The following MPV17 variants were observed in gnomAD, a reference collection of about 807,000 sequenced individuals.
MPV17 encodes MPV17, mitochondrial inner membrane protein.
A neutral mutation model predicts 28.6 loss-of-function variants in MPV17; 31 were observed. That is an observed-to-expected ratio of 1.08 (90% CI 0.81 to 1.46). The LOEUF (loss-of-function observed/expected upper bound fraction) is 1.46. MPV17 is among the 40% of genes most tolerant of loss of function. The probability of loss-of-function intolerance (pLI) is 0.00; values close to 1 mark genes in which losing one functional copy is unlikely to be tolerated. For synonymous variants in MPV17, 87 were observed against 85.3 expected, an observed-to-expected ratio of 1.02 and a Z score of -0.11; for missense variants, 198 against 216.2, an observed-to-expected ratio of 0.92 and a Z score of 0.53.
At chr2:27,322,038 C>T (rs181427806) in intron 2 of MPV17, 85 of 220,802 alleles carry the variant, frequency 3.8e-4, no homozygotes, top group South Asian at 5.5e-4. Context: ...CTTGATTCAG[C>T]ACTTATTAGG....
At chr2:27,316,334 G>T in intron 2 of MPV17, 2 of 956,208 alleles carry the variant, frequency 2.1e-6, no homozygotes, top group Non-Finnish European at 3.1e-6. Flanking sequence ...GGAGAAAGAT[G>T]GATTCAAGTC....
chr2:27,312,441 C>T (rs780507661), intron 5 of MPV17, 53 bp downstream of exon 5: 7 of 1,584,744 alleles, frequency 4.4e-6, no homozygotes, highest in Non-Finnish European at 6.1e-6. Flanking sequence ...GTCTTCTTCC[C>T]CTGGGCTGTC....
intron 2 of MPV17, chr2:27,315,728 A>T: frequency 4.6e-6 from 1 of 219,672 alleles, no homozygotes; most frequent in Non-Finnish European, 8.1e-6. Flanking sequence ...CACCTGGCTG[A>T]TTTTTGTATT....
At chr2:27,322,322 T>A in intron 2 of MPV17, 126 bp downstream of exon 2, 1 of 879,532 alleles carries the variant, frequency 1.1e-6, no homozygotes, top group Non-Finnish European at 1.9e-6. Flanking sequence ...CAGTGTAGGA[T>A]GAAAGACAGC....
In MPV17 at chr2:27,312,710, C is replaced by T. The variant is rs199952690; in HGVS notation, c.249G>A (p.Val83=). ...CCAACAACATCTTCTTCAGTGCATC[C>T]ACTTTGGTGGTGCCAGGGATGAACC... ...LDRFIPGTTK[V]DALKKMLLDQ... Residue 83 remains valine, a synonymous_variant, in exon 4 of 8, where the codon GTG becomes GTA. Transcript: ENST00000380044. The T allele has an allele frequency of 3.4e-5, 55 of 1,614,242 alleles. No individual in the cohort carries two copies. In the African/African-American group the frequency reaches 6.9e-4, roughly 20 times the overall value.
intron 1 of MPV17, 153 bp from the exon 2 acceptor site, chr2:27,322,675 C>T (rs2148225770): frequency 3.1e-6 from 2 of 654,446 alleles, no homozygotes; most frequent in African/African-American, 1.8e-5. Flanking sequence ...TCCCAGACAG[C>T]TTCCTGTCGC....
At chr2:27,313,782 G>T (rs1409174243) in intron 2 of MPV17, among the ~76,000 whole-genome samples, 4 of 152,064 alleles carry the variant, frequency 2.6e-5, no homozygotes, top group Non-Finnish European at 4.4e-5. Flanking sequence ...GCATGATCTT[G>T]GCTCACTGCA....
chr2:27,318,829 A>G (rs1201256966), intron 2 of MPV17, among the ~76,000 whole-genome samples: 2 of 151,668 alleles, frequency 1.3e-5, no homozygotes, highest in Non-Finnish European at 2.9e-5. Context: ...CTGTAGCGCA[A>G]TCTCAGCTCA....
chr2:27,318,733 TCC>T (rs1679749217), intron 2 of MPV17, among the ~76,000 whole-genome samples: 1 of 151,886 alleles, frequency 6.6e-6, no homozygotes, highest in South Asian at 2.1e-4. Context: ...TAGCTATTCA[TCC>T]AGACAGTCCT....
In MPV17 at chr2:27,313,073, T is replaced by G. The variant is rs762327729; in HGVS notation, c.107A>C (p.Gln36Pro). The G allele has an allele frequency of 1.2e-6, 2 of 1,614,180 alleles. No individual in the cohort carries two copies. Among genetic ancestry groups the G allele is most frequent in the South Asian group, 2.2e-5 (2 of 91,076 alleles). ...CTGCAGACCCCGCCTCTCCACCAGC[T>G]GCTGTGAGATAATGTCACCCAGGCC... Reference protein sequence around the residue: ...LMGLGDIISQQLVERRGLQEH... With the variant: ...LMGLGDIISQPLVERRGLQEH... The change falls in exon 3 of 8, where the codon CAG becomes CCG. Residue 36 changes from glutamine (Q) to proline (P), a missense_variant. Physicochemically the swap from Gln to Pro is moderately conservative, Grantham distance 76. Transcript: ENST00000380044.
intron 7 of MPV17, chr2:27,311,556 C>A: frequency 6.5e-7 from 1 of 1,545,930 alleles, no homozygotes; most frequent in South Asian, 1.2e-5. Flanking sequence ...CCTACTTGGC[C>A]TTCTGGTCTA....
intron 1 of MPV17, 123 bp from the exon 2 acceptor site, chr2:27,322,645 G>C: frequency 1.3e-6 from 1 of 761,330 alleles, no homozygotes; most frequent in East Asian, 2.6e-5. Flanking sequence ...TAAAGGGGCA[G>C]AGGCCACATG....
Position 27,312,571 on chromosome 2 carries a change from AAC to A in MPV17, c.296_297del (p.Cys99PhefsTer13). The part of the protein sequence containing the change: ...MLLDQGGFAP[C>X]FLGCFLPLVG... Reference sequence around the variant, plus strand: ...ACCAGTGGGAGAAAGCAGCCTAGAAAACACGGGGCAAAGCCCCCCTAGGGAAG... The same window carrying A: ...ACCAGTGGGAGAAAGCAGCCTAGAAAACGGGGCAAAGCCCCCCTAGGGAAG... On this transcript the variant is annotated frameshift_variant, in exon 5 of 8. Transcript: ENST00000380044. LOFTEE classifies it high-confidence loss of function. The A allele has an allele frequency of 2.5e-6, 4 of 1,614,118 alleles. No homozygotes were observed. The highest frequency in any genetic ancestry group is 3.4e-6 in the Non-Finnish European group (4 of 1,179,986).
At chr2:27,321,833 C>T (rs1440096522) in intron 2 of MPV17, 2 of 154,958 alleles carry the variant, frequency 1.3e-5, no homozygotes, top group African/African-American at 2.4e-5. Flanking sequence ...TAAATGATAA[C>T]AAAAGCAAAT....
intron 2 of MPV17, among the ~76,000 whole-genome samples, chr2:27,315,384 G>C (rs1035725077): frequency 1.3e-5 from 2 of 152,212 alleles, no homozygotes; most frequent in African/African-American, 4.8e-5. Context: ...AGAAAGGGAA[G>C]AGTGCTGCCA....
intron 2 of MPV17, among the ~76,000 whole-genome samples, chr2:27,318,516 C>T (rs934922518): frequency 3.3e-5 from 5 of 151,962 alleles, no homozygotes; most frequent in Non-Finnish European, 5.9e-5. Flanking sequence ...CGCCACCATG[C>T]CCGGCTAATT....
intron 2 of MPV17, chr2:27,313,524 G>T: frequency 2.5e-6 from 1 of 398,516 alleles, no homozygotes; most frequent in Non-Finnish European, 4.7e-6. Context: ...CACATAACCA[G>T]TAAGTGCAGG....
At chr2:27,314,254 C>T (rs565859345) in intron 2 of MPV17, among the ~76,000 whole-genome samples, 1 of 152,112 alleles carries the variant, frequency 6.6e-6, no homozygotes, top group East Asian at 1.9e-4. Flanking sequence ...TGTTTGAGCC[C>T]AGGAGGTCCA....
In MPV17 at chr2:27,322,465, A is replaced by G. The variant is rs1336263578; in HGVS notation, c.53T>C (p.Val18Ala). 2 of 1,614,104 alleles carry G rather than the reference A, an allele frequency of 1.2e-6. No individual in the cohort carries two copies. Among genetic ancestry groups the G allele is most frequent in the South Asian group, 1.1e-5 (1 of 91,090 alleles). Residue 18 changes from valine to alanine, a missense_variant, in exon 2 of 8, where the codon GTA becomes GCA. By Grantham distance (64) the Val-to-Ala change is moderately conservative. Transcript: ENST00000380044. ...QRALAAHPWK[V>A]QVLTAGSLMG... ...ACACTCACCAGCTGTCAGGACCTGT[A>G]CTTTCCACGGGTGAGCGGCCAGGGC...
Sources: gnomAD v4.1 joint callset for allele counts (sites outside exome capture counted in the v4.1 genomes callset) on GRCh38, gnomAD v4.1.1 for gene constraint, MANE v1.5 for transcripts, NCBI Gene and HGNC (gene_info 2026-07-23, HGNC 2026-07-21) for gene names.